PPIP5K2: variants seen among roughly 807,000 people sequenced by gnomAD.
PPIP5K2 encodes the protein diphosphoinositol pentakisphosphate kinase 2.
PPIP5K2 carries 105 observed loss-of-function variants against 154.6 expected under a neutral mutation model. The observed-to-expected ratio is 0.68, with a 90% CI of 0.58 to 0.80. PPIP5K2 has a LOEUF of 0.80. Ranked by LOEUF, PPIP5K2 falls within the 30% of genes least tolerant of loss-of-function variation. PPIP5K2 has a pLI of 0.00. For missense variants in PPIP5K2, 992 were observed against 1,504.6 expected (o/e 0.66, Z 5.64); for synonymous variants, 480 against 490.3 (o/e 0.98, Z 0.28).
intron 5 of PPIP5K2, among the ~76,000 whole-genome samples, chr5:103,140,006 C>T (rs1308253021): frequency 6.6e-6 from 1 of 152,098 alleles, no homozygotes; most frequent in Non-Finnish European, 1.5e-5. Flanking sequence ...GAATGAAACA[C>T]ACTTACAGGA....
chr5:103,174,146 A>G (rs782650673), intron 21 of PPIP5K2, 174 bp downstream of exon 21: 6 of 506,580 alleles, frequency 1.2e-5, no homozygotes, highest in Non-Finnish European at 2.1e-5. Context: ...AGGGATAAAG[A>G]TGTTCTCTTC....
At position 103,129,503 on chromosome 5, in the gene PPIP5K2, T is replaced by C. The variant is rs1385634275; in HGVS notation, c.-87T>C. ...ACAGACCTGTGCGTCAGCTAATATA[T>C]GGAGAATGCTTTCTTCTGATACTAT... On this transcript the variant is annotated 5_prime_UTR_variant, in exon 2 of 31. The change abolishes an upstream ATG in the 5' untranslated region. Coordinates refer to ENST00000358359, the MANE Select transcript of PPIP5K2 (RefSeq NM_001276277.3). 1.0e-5 allele frequency: 11 copies of C among 1,094,640 alleles called. No individual in the cohort carries two copies. Among genetic ancestry groups the C allele is most frequent in the Non-Finnish European group, 1.4e-5 (11 of 797,636 alleles). The allele number at this position is 1,094,640 out of a possible 1,614,324, so 67.8% of individuals were successfully genotyped here.
intron 5 of PPIP5K2, among the ~76,000 whole-genome samples, chr5:103,146,269 C>A (rs938465026): frequency 6.6e-6 from 1 of 151,958 alleles, no homozygotes; most frequent in African/African-American, 2.4e-5. Context: ...AATTTCACAT[C>A]TAACTTTGAA....
At chr5:103,189,920 T>C (rs1255698960) in intron 28 of PPIP5K2, among the ~76,000 whole-genome samples, 3 of 152,080 alleles carry the variant, frequency 2.0e-5, no homozygotes, top group Non-Finnish European at 4.4e-5. Context: ...ATTATAAGTA[T>C]TTAACTGCGG....
chr5:103,162,357 T>G (rs1172990332), intron 17 of PPIP5K2, among the ~76,000 whole-genome samples: 4 of 151,460 alleles, frequency 2.6e-5, no homozygotes, highest in Non-Finnish European at 4.4e-5. Context: ...TTTCTTTTTT[T>G]TTTTTTTGTT....
At chr5:103,148,829 T>C (rs72768658) in intron 7 of PPIP5K2, among the ~76,000 whole-genome samples, 1 of 152,090 alleles carries the variant, frequency 6.6e-6, no homozygotes, top group African/African-American at 2.4e-5. Context: ...TTTATAGTTA[T>C]TTGCATCTCT....
intron 9 of PPIP5K2, 77 bp downstream of exon 9, chr5:103,151,451 A>T: frequency 1.6e-6 from 2 of 1,239,418 alleles, no homozygotes; most frequent in Non-Finnish European, 2.3e-6. Context: ...ACATTAAATG[A>T]TCAGGGTTTT....
At position 103,145,683 on chromosome 5, in the gene PPIP5K2, A is replaced by G. The variant is rs1054086846; in HGVS notation, c.488-844A>G. 4.6e-5 allele frequency among the ~76,000 whole-genome samples: 7 copies of G among 151,976 alleles called. No individual in the cohort carries two copies. The East Asian group carries it at 1.2e-3, about 25-fold the overall frequency. On this transcript the variant is annotated intron_variant, in intron 5 of 30. Coordinates refer to ENST00000358359, the MANE Select transcript of PPIP5K2 (RefSeq NM_001276277.3). Reference sequence around the variant, plus strand: ...TCACGTGTGGGAGCTTAAAAAAAAGATGAACTCTTAGAGCTTGAGCATAGA... The same window carrying G: ...TCACGTGTGGGAGCTTAAAAAAAAGGTGAACTCTTAGAGCTTGAGCATAGA...
At chr5:103,133,729 A>G in intron 3 of PPIP5K2, 81 bp downstream of exon 3, 2 of 1,153,644 alleles carry the variant, frequency 1.7e-6, no homozygotes, top group Non-Finnish European at 2.3e-6. Flanking sequence ...ACTATGAGAT[A>G]AAACAGAAAA....
chr5:103,166,511 C>T lies in PPIP5K2; in HGVS notation c.1921-668C>T, dbSNP rs562550196. 4.6e-5 allele frequency among the ~76,000 whole-genome samples: 7 copies of T among 152,058 alleles called. No individual in the cohort carries two copies. In the South Asian group the frequency reaches 8.3e-4, roughly 18 times the overall value. ...TAATAATGTAAAAAGTCTGCATTGA[C>T]GTGGGTAAATTCCCAGGATCCTCCA... On this transcript the variant is annotated intron_variant, in intron 17 of 30. Transcript: ENST00000358359.
At chr5:103,174,114 A>G in intron 21 of PPIP5K2, 142 bp downstream of exon 21, 1 of 583,282 alleles carries the variant, frequency 1.7e-6, no homozygotes, top group Non-Finnish European at 2.9e-6. Context: ...ACTACTATAT[A>G]CCAAGCATTT....
chr5:103,170,641 T>C (rs1797832814), intron 19 of PPIP5K2, among the ~76,000 whole-genome samples: 1 of 150,828 alleles, frequency 6.6e-6, no homozygotes, highest in South Asian at 2.1e-4. Flanking sequence ...CAATCTTTAT[T>C]GTAAGAGAAA....
At chr5:103,176,908 A>T in intron 21 of PPIP5K2, 1 of 1,452,042 alleles carries the variant, frequency 6.9e-7, no homozygotes. Flanking sequence ...GGTGAAGGAG[A>T]TGGTAAGATC....
At chr5:103,124,984 A>G (rs1487019286) in intron 1 of PPIP5K2, among the ~76,000 whole-genome samples, 1 of 152,236 alleles carries the variant, frequency 6.6e-6, no homozygotes, top group East Asian at 1.9e-4. Context: ...GTCAAAACGA[A>G]TGATTCGGAG....
intron 14 of PPIP5K2, among the ~76,000 whole-genome samples, chr5:103,157,955 G>A (rs1176952860): frequency 1.3e-5 from 2 of 152,146 alleles, no homozygotes; most frequent in African/African-American, 4.8e-5. Flanking sequence ...GTATGAGAGA[G>A]ATTTTCAAAT....
chr5:103,136,533 C>A (rs1791527190), intron 3 of PPIP5K2, among the ~76,000 whole-genome samples, 199 bp from the exon 4 acceptor site: 1 of 151,908 alleles, frequency 6.6e-6, no homozygotes, highest in Non-Finnish European at 1.5e-5. Flanking sequence ...GTTTGTTGTG[C>A]CTTAATCAAA....
intron 25 of PPIP5K2, chr5:103,184,109 T>C (rs1457806867): frequency 6.6e-6 from 1 of 152,266 alleles, no homozygotes; most frequent in Non-Finnish European, 1.5e-5. Context: ...ATATATATGA[T>C]TTCTATTACA....
intron 29 of PPIP5K2, among the ~76,000 whole-genome samples, chr5:103,192,626 G>A (rs1398830958): frequency 2.0e-5 from 3 of 152,086 alleles, no homozygotes; most frequent in South Asian, 2.1e-4. Context: ...GATAATTTTA[G>A]TAGAATATTT....
intron 30 of PPIP5K2, among the ~76,000 whole-genome samples, chr5:103,199,482 A>G (rs972526959): frequency 2.0e-4 from 31 of 152,088 alleles, no homozygotes; most frequent in African/African-American, 6.5e-4. Context: ...TCTGGTTACC[A>G]TTGTTTCTGA....
Sources: gnomAD v4.1 joint callset for allele counts (sites outside exome capture counted in the v4.1 genomes callset) on GRCh38, gnomAD v4.1.1 for gene constraint, MANE v1.5 for transcripts, NCBI Gene and HGNC (gene_info 2026-07-23, HGNC 2026-07-21) for gene names.